PTPRN2: variants seen among roughly 807,000 people sequenced by gnomAD.
The protein encoded by PTPRN2 is receptor-type tyrosine-protein phosphatase N2.
In PTPRN2, 74 loss-of-function variants were observed where a neutral mutation model predicts 118.8. The observed-to-expected ratio is 0.62, with a 90% CI of 0.52 to 0.76. PTPRN2 has a LOEUF of 0.76. Ranked by LOEUF, PTPRN2 falls within the 30% of genes least tolerant of loss-of-function variation. PTPRN2 has a pLI of 0.00. For missense variants in PTPRN2, 1,481 were observed against 1,394.4 expected (o/e 1.06, Z -0.99); for synonymous variants, 641 against 608.0 (o/e 1.05, Z -0.80).
chr7:158,094,352 C>T (rs1162830257), intron 10 of PTPRN2, among the ~76,000 whole-genome samples: 1 of 152,182 alleles, frequency 6.6e-6, no homozygotes, highest in Non-Finnish European at 1.5e-5. Context: ...CACTGTCACC[C>T]AGGCTGCAGT....
rs1826171249 is a variant in PTPRN2 at position 158,544,521 on chromosome 7, A to C, written c.112+43037T>G. Among the ~76,000 whole-genome samples, 1 of 152,076 alleles carries C rather than the reference A, an allele frequency of 6.6e-6. No individual in the cohort carries two copies. Among genetic ancestry groups the C allele is most frequent in the Non-Finnish European group, 1.5e-5 (1 of 68,012 alleles). The stretch of plus-strand genomic sequence containing the variant: ...GGTGTGGTGGCACATGCCTGTAATC[A>C]CAGCTACTTGGGATGCTGAAGCAGG... On this transcript the variant is annotated intron_variant, in intron 1 of 22. Transcript: ENST00000389418. This position sits in a 1 kb window ranked among gnomAD's most constrained non-coding sequence, Gnocchi z 4.2.
chr7:157,935,995 G>A (rs1323334633), intron 11 of PTPRN2, among the ~76,000 whole-genome samples: 1 of 151,308 alleles, frequency 6.6e-6, no homozygotes, highest in Non-Finnish European at 1.5e-5. Context: ...CTCAGGGGGG[G>A]TTTAGACATC....
chr7:157,567,714 G>A (rs1799559635), intron 21 of PTPRN2, among the ~76,000 whole-genome samples: 1 of 152,152 alleles, frequency 6.6e-6, no homozygotes, highest in South Asian at 2.1e-4. Flanking sequence ...ACATATACGT[G>A]TGTGTGTGTT....
At chr7:157,796,353 C>T (rs1455538455) in intron 12 of PTPRN2, among the ~76,000 whole-genome samples, 1 of 152,188 alleles carries the variant, frequency 6.6e-6, no homozygotes, top group Non-Finnish European at 1.5e-5. Flanking sequence ...TGGTGACATC[C>T]CTGTGGGGCC....
At position 157,961,546 on chromosome 7, in the gene PTPRN2, A is replaced by T. The variant is rs552886969; in HGVS notation, c.1724-62809T>A. ...AGACTCTGTCTCAAAAAAAAAAAAA[A>T]TTATAAAAAGTCGATTAAAACAACA... On this transcript the variant is annotated intron_variant, in intron 11 of 22. Coordinates refer to ENST00000389418, the MANE Select transcript of PTPRN2 (RefSeq NM_002847.5). Among the ~76,000 whole-genome samples the T allele has an allele frequency of 4.2e-3, 625 of 149,878 alleles. 3 individuals are homozygous for T. The highest frequency in any genetic ancestry group is 0.014 in the African/African-American group (581 of 41,288).
chr7:158,128,178 G>A (rs1817852899), intron 9 of PTPRN2, among the ~76,000 whole-genome samples: 1 of 152,168 alleles, frequency 6.6e-6, no homozygotes, highest in Admixed American at 6.5e-5. Flanking sequence ...ATCTGTTAAG[G>A]TTTAAGCTGA....
chr7:157,620,354 C>G (rs370146691), intron 15 of PTPRN2, among the ~76,000 whole-genome samples: 29 of 152,316 alleles, frequency 1.9e-4, no homozygotes, highest in Middle Eastern at 3.4e-3. Context: ...GGCGGTGTCT[C>G]TTCCAGTCCA....
At chr7:157,842,264 G>A (rs182900841) in intron 12 of PTPRN2, among the ~76,000 whole-genome samples, 46 of 152,150 alleles carry the variant, frequency 3.0e-4, no homozygotes, top group Middle Eastern at 3.4e-3. Context: ...TCATTTCAGC[G>A]CGCTCCAATC....
In PTPRN2 at chr7:157,813,627, G is replaced by A. The variant is rs977702080; in HGVS notation, c.1788+85046C>T. ...ATAAGCGCCTTTGCTGCCTCTGGGC[G>A]GGTCCGGGGGAGTCGCATTTCTTCC... On this transcript the variant is annotated intron_variant, in intron 12 of 22. Transcript: ENST00000389418. The surrounding 1 kb of genome is among the most constrained non-coding windows in gnomAD (Gnocchi z 4.7). Among the ~76,000 whole-genome samples the A allele has an allele frequency of 4.6e-5, 7 of 151,976 alleles. No individual in the cohort carries two copies. The highest frequency in any genetic ancestry group is 1.2e-4 in the African/African-American group (5 of 41,214).
At chr7:158,318,516 T>C (rs1329141812) in intron 2 of PTPRN2, among the ~76,000 whole-genome samples, 1 of 152,172 alleles carries the variant, frequency 6.6e-6, no homozygotes, top group African/African-American at 2.4e-5. Context: ...GCCAGGTTCC[T>C]GGACCCCCAA....
intron 12 of PTPRN2, among the ~76,000 whole-genome samples, chr7:157,797,131 C>T (rs1471078008): frequency 3.3e-5 from 5 of 152,236 alleles, no homozygotes; most frequent in African/African-American, 1.2e-4. Context: ...ACGGCTGTGT[C>T]ATCCCGGATT....
intron 2 of PTPRN2, among the ~76,000 whole-genome samples, chr7:158,412,254 A>G (rs1586610109): frequency 1.2e-5 from 1 of 81,890 alleles, no homozygotes; most frequent in Non-Finnish European, 2.3e-5. Context: ...CCATCTCAGC[A>G]CCCTCCTCAG....
chr7:157,621,500 C>T lies in PTPRN2; in HGVS notation c.2206G>A (p.Glu736Lys). 1.2e-6 allele frequency: 2 copies of T among 1,613,008 alleles called. No homozygotes were observed. Among genetic ancestry groups the T allele is most frequent in the Non-Finnish European group, 1.7e-6 (2 of 1,180,034 alleles). The change falls in exon 15 of 23, where the codon GAG becomes AAG. Residue 736 changes from glutamate to lysine, a missense_variant. Glu to Lys is a moderately conservative substitution (Grantham distance 56, BLOSUM62 1). This residue lies in a region of PTPRN2 where 362 missense variants were observed against 384.1 expected (regional missense o/e 0.94). Transcript: ENST00000389418. ...CGGTTCTTGTTCTTCAGGTGGTCCTCCATGTAGGACTGAAAGGGAAACACA... is the reference window on the plus strand; with the variant it reads ...CGGTTCTTGTTCTTCAGGTGGTCCTTCATGTAGGACTGAAAGGGAAACACA... ...STGHMILSYMEDHLKNKNRLE... is the reference protein window; with the variant it reads ...STGHMILSYMKDHLKNKNRLE...
At chr7:158,161,881 A>T (rs1822393191) in intron 6 of PTPRN2, among the ~76,000 whole-genome samples, 3 of 152,200 alleles carry the variant, frequency 2.0e-5, no homozygotes, top group African/African-American at 7.2e-5. Context: ...AACTTTACAA[A>T]CTCAACAATA....
chr7:157,586,335 C>T (rs988236805), intron 17 of PTPRN2, among the ~76,000 whole-genome samples: 6 of 152,198 alleles, frequency 3.9e-5, no homozygotes, highest in African/African-American at 1.2e-4. Context: ...TCCCTTCACT[C>T]CAGAGTCAGT....
At chr7:157,752,172 C>T (rs1801509732) in intron 12 of PTPRN2, among the ~76,000 whole-genome samples, 1 of 152,240 alleles carries the variant, frequency 6.6e-6, no homozygotes. Context: ...CAGCTCTGGC[C>T]TGGCTCGGCT....
intron 9 of PTPRN2, among the ~76,000 whole-genome samples, chr7:158,126,688 C>T (rs1437995845): frequency 6.6e-6 from 1 of 150,998 alleles, no homozygotes; most frequent in Non-Finnish European, 1.5e-5. Flanking sequence ...GGCGGAACTT[C>T]CTCTCCGCCA....
intron 3 of PTPRN2, among the ~76,000 whole-genome samples, chr7:158,230,382 T>C (rs190595701): frequency 1.4e-3 from 213 of 152,282 alleles, no homozygotes; most frequent in Non-Finnish European, 2.5e-3. Flanking sequence ...AATTGTGGGG[T>C]GCAATCCACT....
intron 11 of PTPRN2, among the ~76,000 whole-genome samples, chr7:157,943,086 C>A (rs150937849): frequency 1.1e-4 from 16 of 152,306 alleles, no homozygotes; most frequent in East Asian, 1.9e-4. Context: ...CCCCAGGAAG[C>A]CTTTGCATTC....
Sources: gnomAD v4.1 joint callset for allele counts (sites outside exome capture counted in the v4.1 genomes callset) on GRCh38, gnomAD v4.1.1 for gene constraint, gnomAD v4.1.1 regional missense constraint, Gnocchi (gnomAD v3.1) non-coding constraint, MANE v1.5 for transcripts, NCBI Gene and HGNC (gene_info 2026-07-23, HGNC 2026-07-21) for gene names.